The following ADGRD1 variants were observed in gnomAD, a reference collection of about 807,000 sequenced individuals.
The protein encoded by ADGRD1 is G-protein coupled receptor 133.
In ADGRD1, 77 loss-of-function variants were observed where a neutral mutation model predicts 113.4. The ratio of observed to expected loss-of-function variants is 0.68; its 90% confidence interval spans 0.57 to 0.82. The LOEUF (loss-of-function observed/expected upper bound fraction) is 0.82. ADGRD1 is among the 40% of genes least tolerant of loss of function. The pLI, the probability that ADGRD1 is intolerant of heterozygous loss-of-function variation, is 0.00. For missense variants in ADGRD1, 1,036 were observed against 1,139.1 expected (o/e 0.91, Z 1.30); for synonymous variants, 474 against 475.0 (o/e 1.00, Z 0.03).
chr12:131,040,103 TGAACTGGCTCC>T (rs1431707248), intron 13 of ADGRD1, among the ~76,000 whole-genome samples: 18 of 152,300 alleles, frequency 1.2e-4, no homozygotes, highest in African/African-American at 2.9e-4. Context: ...TTGAGACCCA[TGAACTGGCTCC>T]TGCTCCCAGG....
chr12:131,123,778 C>T (rs566944909), intron 20 of ADGRD1, among the ~76,000 whole-genome samples: 4 of 151,122 alleles, frequency 2.6e-5, no homozygotes, highest in East Asian at 4.0e-4. Flanking sequence ...GCCGAGATTG[C>T]GCCACTGCAC....
At chr12:131,129,402 G>A (rs1352664170) in intron 20 of ADGRD1, among the ~76,000 whole-genome samples, 1 of 127,486 alleles carries the variant, frequency 7.8e-6, no homozygotes. Context: ...GGCCCGCCCT[G>A]CTGTCTGGGT....
chr12:131,139,127 G>A, intron 24 of ADGRD1, 41 bp from the exon 25 acceptor site: 1 of 1,498,292 alleles, frequency 6.7e-7, no homozygotes, highest in Non-Finnish European at 9.3e-7. Flanking sequence ...CTCTCCCCCT[G>A]GGAGCAGGCC....
At chr12:131,082,698 C>G (rs915618703) in intron 14 of ADGRD1, among the ~76,000 whole-genome samples, 2 of 152,080 alleles carry the variant, frequency 1.3e-5, no homozygotes, top group Non-Finnish European at 2.9e-5. Flanking sequence ...AAAATTAGAT[C>G]AAAAGGGGTG....
At position 130,984,546 on chromosome 12, in the gene ADGRD1, C is replaced by T. The variant is rs1873393136; in HGVS notation, c.490+2483C>T. On this transcript the variant is annotated intron_variant, in intron 5 of 24. Transcript: ENST00000261654. The surrounding 1 kb of genome is among the most constrained non-coding windows in gnomAD (Gnocchi z 4.1). ...TTCAGAGAATTCCCATTACCCTCCG[C>T]CTCTACACAGGCACAGCTTCCCCCA... 6.6e-6 allele frequency among the ~76,000 whole-genome samples: 1 copy of T among 151,956 alleles called. No individual in the cohort carries two copies. The highest frequency in any genetic ancestry group is 2.4e-5 in the African/African-American group (1 of 41,356).
chr12:131,063,046 CTT>C (rs1440787386), intron 13 of ADGRD1, among the ~76,000 whole-genome samples: 5 of 152,094 alleles, frequency 3.3e-5, no homozygotes, highest in African/African-American at 1.2e-4. Context: ...TAAAATGTCT[CTT>C]AGTATCTTTT....
intron 13 of ADGRD1, among the ~76,000 whole-genome samples, chr12:131,059,904 A>G (rs1201381013): frequency 6.6e-6 from 1 of 151,932 alleles, no homozygotes; most frequent in African/African-American, 2.4e-5. Context: ...TTCTCATTCA[A>G]GTTGAGATTT....
chr12:131,088,025 G>A (rs143023014), intron 15 of ADGRD1, among the ~76,000 whole-genome samples: 2 of 152,204 alleles, frequency 1.3e-5, no homozygotes, highest in East Asian at 1.9e-4. Context: ...CTCCCCTCCC[G>A]CCAGGGCCCG....
intron 12 of ADGRD1, among the ~76,000 whole-genome samples, chr12:131,012,476 G>A (rs1017039970): frequency 1.6e-4 from 24 of 152,084 alleles, no homozygotes; most frequent in African/African-American, 5.3e-4. Context: ...TCGCTTCTGC[G>A]GGAACAGACA....
In ADGRD1 at chr12:131,000,356, G is replaced by T; in HGVS notation, c.967-27G>T. 1.9e-6 allele frequency: 3 copies of T among 1,596,650 alleles called. No individual in the cohort carries two copies. In the South Asian group the frequency reaches 3.3e-5, roughly 18 times the overall value. On this transcript the variant is annotated intron_variant, in intron 8 of 24. Transcript: ENST00000261654. ...AGTTTGTTGCCTAAGGACAGGTGCTGAGCAGTGTCATTTTGTCCACCTTTA... is the reference window on the plus strand; with the variant it reads ...AGTTTGTTGCCTAAGGACAGGTGCTTAGCAGTGTCATTTTGTCCACCTTTA...
At chr12:131,101,004 T>C (rs993267565) in intron 15 of ADGRD1, among the ~76,000 whole-genome samples, 2 of 152,210 alleles carry the variant, frequency 1.3e-5, no homozygotes, top group African/African-American at 4.8e-5. Flanking sequence ...TTACCATTGT[T>C]CCCAGTACTG....
chr12:130,998,076 A>G (rs1391588273), intron 8 of ADGRD1, among the ~76,000 whole-genome samples: 1 of 151,742 alleles, frequency 6.6e-6, no homozygotes, highest in African/African-American at 2.4e-5. Context: ...TGGCAGGCTG[A>G]GGCAGGAGAA....
chr12:131,125,226 G>C (rs1280807939), intron 20 of ADGRD1, among the ~76,000 whole-genome samples: 1 of 152,194 alleles, frequency 6.6e-6, no homozygotes, highest in African/African-American at 2.4e-5. Flanking sequence ...TTCAGCATAT[G>C]AATTTGAGGG....
intron 15 of ADGRD1, among the ~76,000 whole-genome samples, chr12:131,103,162 A>G (rs1398675348): frequency 6.6e-6 from 1 of 152,240 alleles, no homozygotes; most frequent in Non-Finnish European, 1.5e-5. Context: ...CTGAGGCCTG[A>G]GCCGGCGTTC....
chr12:131,137,168 G>A (rs1951107896), intron 23 of ADGRD1, 154 bp downstream of exon 23: 1 of 688,980 alleles, frequency 1.5e-6, no homozygotes, highest in African/African-American at 1.7e-5. Context: ...GTGTGCCCTG[G>A]GGCCTGCTGC....
At chr12:131,070,303 T>C (rs1433630333) in intron 13 of ADGRD1, 3 of 154,046 alleles carry the variant, frequency 1.9e-5, no homozygotes, top group Admixed American at 1.9e-4. Context: ...GGCCGCCTCC[T>C]TCCAGAGCCT....
At chr12:130,992,536 A>G in intron 8 of ADGRD1, 144 bp downstream of exon 8, 1 of 673,456 alleles carries the variant, frequency 1.5e-6, no homozygotes. Context: ...CTCATGAACA[A>G]CCAGCTGGTG....
At chr12:131,049,590 T>C in intron 13 of ADGRD1, among the ~76,000 whole-genome samples, 1 of 152,208 alleles carries the variant, frequency 6.6e-6, no homozygotes, top group Non-Finnish European at 1.5e-5. Context: ...AGCAGTGACC[T>C]CATGACTTGT....
intron 15 of ADGRD1, among the ~76,000 whole-genome samples, chr12:131,087,545 C>A (rs1164283905): frequency 1.3e-5 from 2 of 152,224 alleles, no homozygotes; most frequent in Non-Finnish European, 1.5e-5. Flanking sequence ...TTTAGAGGTT[C>A]CGAAGGGGCG....
Sources: gnomAD v4.1 joint callset for allele counts (sites outside exome capture counted in the v4.1 genomes callset) on GRCh38, gnomAD v4.1.1 for gene constraint, Gnocchi (gnomAD v3.1) non-coding constraint, MANE v1.5 for transcripts, NCBI Gene and HGNC (gene_info 2026-07-23, HGNC 2026-07-21) for gene names.